ENPP2: variants seen among roughly 807,000 people sequenced by gnomAD.
The protein encoded by ENPP2 is ectonucleotide pyrophosphatase/phosphodiesterase 2.
ENPP2 carries 51 observed loss-of-function variants against 120.2 expected under a neutral mutation model. The observed-to-expected ratio is 0.42, with a 90% CI of 0.34 to 0.54. ENPP2 has a LOEUF of 0.54. Ranked by LOEUF, ENPP2 falls within the 20% of genes least tolerant of loss-of-function variation. The probability of loss-of-function intolerance (pLI) is 0.04; values close to 1 mark genes in which losing one functional copy is unlikely to be tolerated. For missense variants in ENPP2, 920 were observed against 1,066.5 expected (o/e 0.86, Z 1.91); for synonymous variants, 365 against 366.4 (o/e 1.00, Z 0.04).
At position 119,619,294 on chromosome 8, in the gene ENPP2, A is replaced by G. The variant is rs564718427; in HGVS notation, c.429T>C (p.His143=). 27 of 1,609,446 alleles carry G rather than the reference A, an allele frequency of 1.7e-5. No individual in the cohort carries two copies. Among genetic ancestry groups the G allele is most frequent in the Non-Finnish European group, 2.3e-5 (27 of 1,175,884 alleles). Residue 143 remains histidine, a synonymous_variant, in exon 5 of 25, where the codon CAT becomes CAC. Transcript: ENST00000075322. ...TTTCCTCACAGTCATCATCAACCCA[A>G]TGCGACTCTCCTATAAGGAAAAATG... is the stretch of plus-strand genomic sequence containing the variant. ...NYQVVCKGES[H]WVDDDCEEIK... is the part of the protein sequence containing the mutation.
chr8:119,638,680 G>C, intron 1 of ENPP2, 68 bp downstream of exon 1: 1 of 1,146,342 alleles, frequency 8.7e-7, no homozygotes, highest in Non-Finnish European at 1.3e-6. Flanking sequence ...ACAACAAAAA[G>C]GAAAATGCCA....
chr8:119,670,950 T>A (rs955685394), intron 1 of ENPP2, among the ~76,000 whole-genome samples: 6 of 152,024 alleles, frequency 3.9e-5, no homozygotes, highest in African/African-American at 1.4e-4. Flanking sequence ...TGCTGAAGAC[T>A]TTTCCAAAAT....
At chr8:119,642,609 T>C (rs1554625046), upstream of ENPP2, among the ~76,000 whole-genome samples, 1 of 152,220 alleles carries the variant, frequency 6.6e-6, no homozygotes, top group Non-Finnish European at 1.5e-5. Context: ...ATGTTATTAA[T>C]AACATTCACT....
At chr8:119,635,072 A>T (rs1816918008) in intron 2 of ENPP2, among the ~76,000 whole-genome samples, 1 of 152,210 alleles carries the variant, frequency 6.6e-6, no homozygotes, top group Admixed American at 6.5e-5. Flanking sequence ...TCCCCTTTAC[A>T]GTTTCCTGCA....
intron 4 of ENPP2, among the ~76,000 whole-genome samples, chr8:119,621,123 T>C (rs1367351056): frequency 6.6e-6 from 1 of 152,228 alleles, no homozygotes; most frequent in Non-Finnish European, 1.5e-5. Flanking sequence ...TCTAGAAAAC[T>C]TGACCTAAAA....
intron 8 of ENPP2, among the ~76,000 whole-genome samples, chr8:119,610,818 G>A (rs1169606524): frequency 4.6e-5 from 7 of 150,710 alleles, no homozygotes; most frequent in Non-Finnish European, 1.0e-4. Flanking sequence ...CAGGAGAATC[G>A]CTTAAACCCA....
At chr8:119,609,672 T>C (rs1052973528) in intron 8 of ENPP2, among the ~76,000 whole-genome samples, 1 of 152,176 alleles carries the variant, frequency 6.6e-6, no homozygotes, top group Non-Finnish European at 1.5e-5. Context: ...CCATGCCAGT[T>C]CCCAAAGAGG....
intron 4 of ENPP2, among the ~76,000 whole-genome samples, chr8:119,621,059 A>T (rs950153719): frequency 6.6e-6 from 1 of 152,176 alleles, no homozygotes; most frequent in African/African-American, 2.4e-5. Flanking sequence ...TTCCTGCAGT[A>T]TATCCGTTTC....
intron 8 of ENPP2, among the ~76,000 whole-genome samples, chr8:119,615,787 A>G (rs1389332075): frequency 6.6e-6 from 1 of 152,044 alleles, no homozygotes; most frequent in South Asian, 2.1e-4. Context: ...TCTCTTTTTT[A>G]TTATACGCCT....
chr8:119,559,383 AG>A, intron 24 of ENPP2, among the ~76,000 whole-genome samples: 1 of 152,224 alleles, frequency 6.6e-6, no homozygotes, highest in East Asian at 1.9e-4. Flanking sequence ...AGGGGTGAAA[AG>A]GTTTTTCCTA....
At chr8:119,598,038 T>G (rs1174294959) in intron 11 of ENPP2, among the ~76,000 whole-genome samples, 1 of 152,238 alleles carries the variant, frequency 6.6e-6, no homozygotes, top group African/African-American at 2.4e-5. Flanking sequence ...TATAATCTTT[T>G]CATGTATAAT....
Position 119,626,705 on chromosome 8 carries a change from G to C in ENPP2, c.152C>G (p.Pro51Arg). Residue 51 changes from proline to arginine, a missense_variant, in exon 3 of 25, where the codon CCC (proline) becomes CGC (arginine). Transcript: ENST00000075322. ...EGPPTVLSDSPWTNISGSCKG... is the reference protein window; with the variant it reads ...EGPPTVLSDSRWTNISGSCKG... Reference sequence around the variant, plus strand: ...GCAAGATCCGGAGATGTTGGTCCAGGGGGAGTCTGATAGCACTGCAAAGAA... The same window carrying C: ...GCAAGATCCGGAGATGTTGGTCCAGCGGGAGTCTGATAGCACTGCAAAGAA... 1.2e-6 allele frequency: 2 copies of C among 1,614,036 alleles called. No homozygotes were observed. Among genetic ancestry groups the C allele is most frequent in the Non-Finnish European group, 8.5e-7 (1 of 1,179,936 alleles).
intron 9 of ENPP2, among the ~76,000 whole-genome samples, chr8:119,606,517 G>T: frequency 6.6e-6 from 1 of 151,754 alleles, no homozygotes; most frequent in East Asian, 1.9e-4. Context: ...GTCACACATA[G>T]GATAACACTG....
At chr8:119,609,611 C>T (rs1482453321) in intron 8 of ENPP2, among the ~76,000 whole-genome samples, 1 of 152,120 alleles carries the variant, frequency 6.6e-6, no homozygotes, top group Non-Finnish European at 1.5e-5. Flanking sequence ...GTTCCAGCAC[C>T]TCCACCAGCA....
Position 119,557,346 on chromosome 8 carries a change from T to C in ENPP2, c.*175A>G. On this transcript the variant is annotated 3_prime_UTR_variant, in exon 25 of 25. Coordinates refer to ENST00000075322, the MANE Select transcript of ENPP2 (RefSeq NM_001040092.3). ...ACAAGCTCTACTCAGAACACAAGGC[T>C]ACCTAAATCAAGCATTAGAGAAAAA... The C allele has an allele frequency of 1.8e-6, 1 of 564,114 alleles. No individual in the cohort carries two copies. 34.9% of individuals were successfully genotyped at this position (564,114 alleles called of 1,614,324 possible). A position where few individuals can be genotyped will look rare whatever the true frequency, so the allele number is the denominator to read the frequency against.
intron 9 of ENPP2, among the ~76,000 whole-genome samples, chr8:119,605,271 C>T (rs1334661806): frequency 1.3e-5 from 2 of 151,876 alleles, no homozygotes; most frequent in East Asian, 3.9e-4. Context: ...GGGGTTTTGC[C>T]ATGTTGCCCA....
intron 19 of ENPP2, among the ~76,000 whole-genome samples, chr8:119,578,847 A>G (rs1812530549): frequency 6.6e-6 from 1 of 152,244 alleles, no homozygotes; most frequent in Non-Finnish European, 1.5e-5. Flanking sequence ...GAAAAGGAAG[A>G]AGGAGGCAGA....
chr8:119,640,019 C>T (rs1373192666), upstream of ENPP2, among the ~76,000 whole-genome samples: 1 of 152,132 alleles, frequency 6.6e-6, no homozygotes, highest in African/African-American at 2.4e-5. Context: ...TACCATGCAA[C>T]AAATTAGTAA....
intron 8 of ENPP2, among the ~76,000 whole-genome samples, chr8:119,614,062 C>CTTTTTTTTTTTT (rs1241610980): frequency 8.6e-6 from 1 of 115,870 alleles, no homozygotes; most frequent in African/African-American, 3.2e-5. Context: ...CCTGGGAAAT[C>CTTTTTTTTTTTT]TTTTTTTTTT....
Sources: allele counts gnomAD v4.1 joint callset (sites outside exome capture counted in the v4.1 genomes callset), GRCh38; gene constraint gnomAD v4.1.1; transcripts MANE v1.5; gene names NCBI Gene and HGNC (gene_info 2026-07-23, HGNC 2026-07-21).